The following CCDC93 variants were observed in gnomAD, a reference collection of about 807,000 sequenced individuals.
CCDC93 encodes the protein coiled-coil domain-containing protein 93.
Under a neutral mutation model 108.2 loss-of-function variants are expected in CCDC93, and 61 were observed. The ratio of observed to expected loss-of-function variants is 0.56; its 90% CI spans 0.46 to 0.70. The LOEUF is 0.70. CCDC93 is among the 30% of genes least tolerant of loss of function. The pLI, the probability that CCDC93 is intolerant of heterozygous loss-of-function variation, is 0.00. For missense variants in CCDC93, 685 were observed against 764.2 expected, an observed-to-expected ratio of 0.90 and a Z score of 1.22; for synonymous variants, 276 against 260.4, an observed-to-expected ratio of 1.06 and a Z score of -0.58.
intron 22 of CCDC93, chr2:117,934,832 C>G (rs1425456739): frequency 5.3e-5 from 8 of 152,194 alleles, no homozygotes; most frequent in African/African-American, 1.9e-4. Context: ...ATTTTTAAAA[C>G]AGGACCATAA....
chr2:117,950,277 C>T (rs779467436), intron 13 of CCDC93: 75 of 985,238 alleles, frequency 7.6e-5, no homozygotes, highest in East Asian at 1.1e-4. Context: ...TGTATCAATT[C>T]AACAAGTCAA....
intron 16 of CCDC93, among the ~76,000 whole-genome samples, chr2:117,946,447 T>A (rs1254687484): frequency 2.0e-5 from 3 of 152,128 alleles, no homozygotes; most frequent in Admixed American, 1.3e-4. Context: ...TGGGGCATTA[T>A]CCCTGAGCAG....
intron 6 of CCDC93, among the ~76,000 whole-genome samples, chr2:117,986,474 C>G (rs1680323109): frequency 6.6e-6 from 1 of 152,128 alleles, no homozygotes; most frequent in Non-Finnish European, 1.5e-5. Flanking sequence ...AGGTAGGCAG[C>G]TGCTATGCCA....
At chr2:117,933,540 A>G (rs990978745) in intron 22 of CCDC93, among the ~76,000 whole-genome samples, 4 of 151,870 alleles carry the variant, frequency 2.6e-5, no homozygotes, top group African/African-American at 9.7e-5. Context: ...TTACTCAGAA[A>G]CCCTCAGACG....
intron 4 of CCDC93, chr2:117,997,488 G>C (rs1047905670): frequency 5.3e-5 from 8 of 152,202 alleles, no homozygotes; most frequent in African/African-American, 1.9e-4. Context: ...TAGCTACCTA[G>C]GAAAGCAGGC....
At chr2:117,986,100 T>C (rs748790634) in intron 6 of CCDC93, 31 bp from the exon 7 acceptor site, 9 of 1,370,632 alleles carry the variant, frequency 6.6e-6, no homozygotes, top group Non-Finnish European at 8.3e-6. Context: ...AGTTACTGAG[T>C]GTGAGAAGGC....
intron 23 of CCDC93, among the ~76,000 whole-genome samples, chr2:117,929,259 AT>A (rs1280492530): frequency 2.4e-4 from 37 of 152,360 alleles, no homozygotes; most frequent in South Asian, 1.7e-3. Context: ...TTAAAGTATA[AT>A]AAAAAAAAGA....
intron 12 of CCDC93, 130 bp downstream of exon 12, chr2:117,958,235 C>T: frequency 1.6e-6 from 1 of 636,222 alleles, no homozygotes; most frequent in Non-Finnish European, 2.8e-6. Context: ...TGTAATAAAA[C>T]TTAATTTACA....
intron 13 of CCDC93, chr2:117,951,144 T>C (rs1243855625): frequency 7.6e-5 from 75 of 984,800 alleles, no homozygotes; most frequent in Non-Finnish European, 8.8e-5. Flanking sequence ...ATTTTGCCTT[T>C]AATCTCTTTC....
Position 117,948,285 on chromosome 2 carries a change from T to G in CCDC93, c.1143-99A>C, listed in dbSNP as rs539905804. 4 of 771,410 alleles carry G rather than the reference T, an allele frequency of 5.2e-6. No individual in the cohort carries two copies. In the African/African-American group the frequency reaches 6.9e-5, roughly 13 times the overall value. The allele number at this position is 771,410 out of a possible 1,614,324, so 47.8% of individuals were successfully genotyped here. ...CGCAGCTAAAAAAGGACTCTCCTTTTAATTTCCTTTCTCAGCTCTAAGAGT... is the reference window on the plus strand; with the variant it reads ...CGCAGCTAAAAAAGGACTCTCCTTTGAATTTCCTTTCTCAGCTCTAAGAGT... On this transcript the variant is annotated intron_variant, in intron 14 of 23. Transcript: ENST00000376300.
chr2:117,948,260 C>T (rs535635858), intron 14 of CCDC93, 74 bp from the exon 15 acceptor site: 10 of 1,073,568 alleles, frequency 9.3e-6, no homozygotes, highest in Non-Finnish European at 1.4e-5. Context: ...AAAGCAGGTC[C>T]GCAGCTAAAA....
intron 23 of CCDC93, 111 bp from the exon 24 acceptor site, chr2:117,920,507 C>T: frequency 1.6e-6 from 1 of 630,510 alleles, no homozygotes; most frequent in African/African-American, 1.8e-5. Flanking sequence ...ATCTCCTGGC[C>T]AACCCAGTCT....
chr2:117,986,160 CT>C (rs763304100), intron 6 of CCDC93, 91 bp from the exon 7 acceptor site: 21,813 of 274,158 alleles, frequency 0.08, 17 homozygotes, highest in South Asian at 0.1. Flanking sequence ...GGTATATTCT[CT>C]TTTTTTTTTT....
At chr2:117,995,191 C>G (rs1648828273) in intron 6 of CCDC93, among the ~76,000 whole-genome samples, 1 of 152,186 alleles carries the variant, frequency 6.6e-6, no homozygotes, top group Non-Finnish European at 1.5e-5. Flanking sequence ...AGGAAGGGCT[C>G]TGTGTTTGGC....
At chr2:117,934,910 CTG>C (rs368052131) in intron 22 of CCDC93, 4 of 152,370 alleles carry the variant, frequency 2.6e-5, no homozygotes, top group African/African-American at 9.6e-5. Context: ...GCAGCTGTCT[CTG>C]TAGGAAAATC....
Position 117,945,563 on chromosome 2 carries a change from G to A in CCDC93, c.1316C>T (p.Pro439Leu), listed in dbSNP as rs141821049. The change falls in exon 17 of 24, where the codon CCG becomes CTG. Residue 439 changes from proline to leucine, a missense_variant. Transcript: ENST00000376300. ...CATTGCAGAGGTCAAGGTACCAGGC[G>A]GCTCTCCACTGGAGAGGGTCTGAAA... ...GDEKTLSSGE[P>L]PGTLTSAMTH... 5.4e-5 allele frequency: 87 copies of A among 1,613,852 alleles called. No individual in the cohort carries two copies. In the African/African-American group the frequency reaches 9.1e-4, roughly 17 times the overall value.
chr2:117,935,405 C>T (rs902628292), intron 22 of CCDC93, 90 bp downstream of exon 22: 1 of 906,044 alleles, frequency 1.1e-6, no homozygotes, highest in South Asian at 1.4e-5. Flanking sequence ...GGCACACTCC[C>T]CAACTACCAG....
chr2:117,975,337 AG>A, intron 8 of CCDC93, 57 bp from the exon 9 acceptor site: 2 of 1,237,146 alleles, frequency 1.6e-6, no homozygotes, highest in Admixed American at 3.4e-5. Flanking sequence ...CAGTAGAGAA[AG>A]GACAATACTG....
chr2:117,923,007 CAA>C (rs34776554), intron 23 of CCDC93, among the ~76,000 whole-genome samples: 4 of 132,914 alleles, frequency 3.0e-5, no homozygotes, highest in Admixed American at 7.5e-5. Context: ...GTAATATGTT[CAA>C]AAAAAAAAAA....
Sources: allele counts gnomAD v4.1 joint callset (sites outside exome capture counted in the v4.1 genomes callset), GRCh38; gene constraint gnomAD v4.1.1; transcripts MANE v1.5; gene names NCBI Gene and HGNC (gene_info 2026-07-23, HGNC 2026-07-21).